KDM4C: variants seen among roughly 807,000 people sequenced by gnomAD.
KDM4C encodes the protein lysine demethylase 4C, also known as lysine-specific demethylase 4C.
In KDM4C, 81 loss-of-function variants were observed where a neutral mutation model predicts 129.3. The ratio of observed to expected loss-of-function variants is 0.63; its 90% CI spans 0.52 to 0.75. The LOEUF (loss-of-function observed/expected upper bound fraction) is 0.75. Among genes scored for constraint, KDM4C ranks in the 30% least tolerant of loss-of-function variants. KDM4C has a pLI of 0.00. For missense variants in KDM4C, 1,457 were observed against 1,304.0 expected (o/e 1.12, Z -1.81); for synonymous variants, 573 against 456.1 (o/e 1.26, Z -3.26).
intron 4 of KDM4C, among the ~76,000 whole-genome samples, chr9:6,840,540 G>C (rs1460816511): frequency 6.6e-6 from 1 of 152,106 alleles, no homozygotes; most frequent in Non-Finnish European, 1.5e-5. Flanking sequence ...GGGACTACAG[G>C]CGTCTGCCAC....
At chr9:6,897,142 C>T (rs1297039545) in intron 8 of KDM4C, among the ~76,000 whole-genome samples, 1 of 152,162 alleles carries the variant, frequency 6.6e-6, no homozygotes, top group Non-Finnish European at 1.5e-5. Context: ...TTTTTCAGTC[C>T]TTCAGTCCAG....
chr9:6,750,963 GGGTGGGTACCTT>G (rs1391165178), intron 1 of KDM4C, among the ~76,000 whole-genome samples: 1 of 152,162 alleles, frequency 6.6e-6, no homozygotes, highest in Non-Finnish European at 1.5e-5. Context: ...GCAGTCCACT[GGGTGGGTACCTT>G]GGTTATTTTT....
chr9:7,026,554 C>T (rs1319473739), intron 15 of KDM4C, among the ~76,000 whole-genome samples: 1 of 151,892 alleles, frequency 6.6e-6, no homozygotes, highest in Non-Finnish European at 1.5e-5. Flanking sequence ...TTATTAAATG[C>T]CTTGGGATAG....
intron 5 of KDM4C, among the ~76,000 whole-genome samples, chr9:6,856,901 G>A (rs551527273): frequency 6.6e-6 from 1 of 151,942 alleles, no homozygotes; most frequent in East Asian, 1.9e-4. Context: ...GGGACTACAG[G>A]CGCCCGCCAC....
chr9:6,854,188 T>C (rs1261025638), intron 5 of KDM4C, among the ~76,000 whole-genome samples: 1 of 152,134 alleles, frequency 6.6e-6, no homozygotes, highest in Non-Finnish European at 1.5e-5. Flanking sequence ...AGAATTCAGA[T>C]GGTATCTTGA....
chr9:7,046,804 G>T, intron 15 of KDM4C, 58 bp from the exon 16 acceptor site: 1 of 1,097,594 alleles, frequency 9.1e-7, no homozygotes. Flanking sequence ...TTAGATGAAT[G>T]GTAATGACTT....
chr9:6,982,233 T>C (rs1176039632), intron 9 of KDM4C: 1 of 151,994 alleles, frequency 6.6e-6, no homozygotes, highest in Non-Finnish European at 1.5e-5. Flanking sequence ...TTTTCCCTGA[T>C]ATTTATTTTC....
chr9:6,925,422 TTCCTCC>T (rs1822297451), intron 8 of KDM4C: 2 of 956,562 alleles, frequency 2.1e-6, no homozygotes, highest in South Asian at 9.7e-5. Flanking sequence ...CCCTTTCCCC[TTCCTCC>T]TTTCCCCTTT....
chr9:7,045,975 G>A (rs776503973), intron 15 of KDM4C, among the ~76,000 whole-genome samples: 3 of 151,964 alleles, frequency 2.0e-5, no homozygotes, highest in East Asian at 1.9e-4. Context: ...AAGAGGTTTC[G>A]TATATAAACT....
chr9:6,726,972 T>G (rs1190273101), intron 1 of KDM4C: 2 of 152,216 alleles, frequency 1.3e-5, no homozygotes, highest in Non-Finnish European at 2.9e-5. Context: ...TGACCTCATG[T>G]GGTCCTCCTG....
chr9:7,040,353 C>T (rs968260795), intron 15 of KDM4C, among the ~76,000 whole-genome samples: 1 of 136,570 alleles, frequency 7.3e-6, no homozygotes, highest in African/African-American at 2.8e-5. Flanking sequence ...CTCTTTCCCT[C>T]TCTCTCTACC....
rs778416034 is a variant in KDM4C, at chr9:6,849,590, A to T, written c.519A>T (p.Val173=). 6.2e-7 allele frequency: 1 copy of T among 1,613,952 alleles called. No individual in the cohort carries two copies. Among genetic ancestry groups the T allele is most frequent in the Admixed American group, 1.7e-5 (1 of 60,010 alleles). The stretch of plus-strand genomic sequence containing the variant: ...AGTGTGGCATTTCTATTGAGGGTGT[A>T]AATACCCCATATCTCTATTTTGGCA... ...EEECGISIEG[V]NTPYLYFGMW... is the part of the protein sequence containing the mutation. Residue 173 remains valine, a synonymous_variant, in exon 5 of 22, where the codon GTA becomes GTT. Transcript: ENST00000381309.
chr9:7,015,936 A>AG lies in KDM4C; in HGVS notation c.2259+8dup. On this transcript the variant is annotated splice_region_variant and intron_variant, in intron 15 of 21. Coordinates refer to ENST00000381309, the MANE Select transcript of KDM4C (RefSeq NM_015061.6). ...AAGAAATGCGTGGACAGCAGTAAGT[A>AG]GCTTATTTTAGTATTGCTTAACCTT... 1.2e-6 allele frequency: 2 copies of AG among 1,600,522 alleles called. No individual in the cohort carries two copies. Among genetic ancestry groups the AG allele is most frequent in the Non-Finnish European group, 8.6e-7 (1 of 1,168,410 alleles).
At chr9:6,923,494 G>C (rs1330258075) in intron 8 of KDM4C, among the ~76,000 whole-genome samples, 1 of 152,120 alleles carries the variant, frequency 6.6e-6, no homozygotes, top group Non-Finnish European at 1.5e-5. Flanking sequence ...TTATTTGAAT[G>C]AGTGAATGAC....
At chr9:6,880,138 C>T in intron 6 of KDM4C, 77 bp downstream of exon 6, 1 of 884,134 alleles carries the variant, frequency 1.1e-6, no homozygotes, top group Middle Eastern at 3.1e-4. Flanking sequence ...TTTTGAGGTA[C>T]TTTTTACAAT....
intron 1 of KDM4C, among the ~76,000 whole-genome samples, chr9:6,787,303 G>A (rs1825693441): frequency 6.6e-6 from 1 of 152,188 alleles, no homozygotes; most frequent in South Asian, 2.1e-4. Context: ...CACCGTCTTG[G>A]CTCACTGCAA....
At chr9:7,139,739 C>G (rs1033345506) in intron 19 of KDM4C, among the ~76,000 whole-genome samples, 13 of 152,054 alleles carry the variant, frequency 8.5e-5, no homozygotes, top group Admixed American at 7.9e-4. Flanking sequence ...CTAGTAAAAC[C>G]TTTTTTCTAT....
intron 4 of KDM4C, among the ~76,000 whole-genome samples, chr9:6,845,195 T>C (rs1400813128): frequency 6.6e-6 from 1 of 152,010 alleles, no homozygotes; most frequent in African/African-American, 2.4e-5. Flanking sequence ...AGTTGAGACA[T>C]TGAAGATTTA....
At chr9:7,035,203 G>A (rs918709152) in intron 15 of KDM4C, among the ~76,000 whole-genome samples, 1 of 150,766 alleles carries the variant, frequency 6.6e-6, no homozygotes, top group Non-Finnish European at 1.5e-5. Flanking sequence ...TAGTAGAGAT[G>A]AGGTTTTGCC....
Sources: allele counts gnomAD v4.1 joint callset (sites outside exome capture counted in the v4.1 genomes callset), GRCh38; gene constraint gnomAD v4.1.1; transcripts MANE v1.5; gene names NCBI Gene and HGNC (gene_info 2026-07-23, HGNC 2026-07-21).